Variants in OSBPL6 observed in about 807,000 individuals in gnomAD.
The protein encoded by OSBPL6 is oxysterol-binding protein-related protein 6.
Under a neutral mutation model 125.8 loss-of-function variants are expected in OSBPL6, and 49 were observed. The observed-to-expected ratio is 0.39, with a 90% CI of 0.31 to 0.49. The LOEUF is 0.49. OSBPL6 is among the 20% of genes least tolerant of loss of function. The pLI is 0.88. For synonymous variants in OSBPL6, 394 were observed against 391.8 expected (o/e 1.01, Z -0.07); for missense variants, 986 against 1,135.4 (o/e 0.87, Z 1.89).
At chr2:178,386,195 A>G (rs1222210577) in intron 19 of OSBPL6, among the ~76,000 whole-genome samples, 1 of 152,244 alleles carries the variant, frequency 6.6e-6, no homozygotes, top group African/African-American at 2.4e-5. Context: ...AAATGATAGA[A>G]CACTGTAGCT....
intron 12 of OSBPL6, among the ~76,000 whole-genome samples, chr2:178,359,760 T>G (rs1692152700): frequency 6.6e-6 from 1 of 152,160 alleles, no homozygotes; most frequent in South Asian, 2.1e-4. Flanking sequence ...TGCCATAGCA[T>G]GGATGGGCCT....
At chr2:178,287,948 A>G (rs866576701) in intron 2 of OSBPL6, among the ~76,000 whole-genome samples, 1 of 131,544 alleles carries the variant, frequency 7.6e-6, no homozygotes, top group African/African-American at 2.7e-5. Flanking sequence ...TGTTGTTGAC[A>G]TATGAAACAG....
At chr2:178,272,571 C>T (rs1489941294) in intron 1 of OSBPL6, among the ~76,000 whole-genome samples, 3 of 152,040 alleles carry the variant, frequency 2.0e-5, no homozygotes, top group Admixed American at 6.5e-5. Flanking sequence ...AATGCACCAC[C>T]GTTAGTAGCT....
intron 3 of OSBPL6, among the ~76,000 whole-genome samples, chr2:178,316,316 T>C (rs1251826611): frequency 6.6e-6 from 1 of 152,196 alleles, no homozygotes; most frequent in East Asian, 1.9e-4. Context: ...TAAAAACATG[T>C]ATTCTAAGGA....
Position 178,360,160 on chromosome 2 carries a change from T to G in OSBPL6, c.1154-1522T>G, listed in dbSNP as rs530283785. On this transcript the variant is annotated intron_variant, in intron 12 of 24. Coordinates refer to ENST00000190611, the MANE Select transcript of OSBPL6 (RefSeq NM_032523.4). ...ATATATGGAAACTTTTTGTTTCTTT[T>G]AAGTCAAGTATATATAGAGAGAGAA... is the stretch of plus-strand genomic sequence containing the variant. Among the ~76,000 whole-genome samples, 6 of 152,256 alleles carry G rather than the reference T, an allele frequency of 3.9e-5. No homozygotes were observed. In the South Asian group the frequency reaches 1.2e-3, roughly 32 times the overall value.
chr2:178,212,895 C>T (rs2089925065), intron 1 of OSBPL6, among the ~76,000 whole-genome samples: 1 of 151,966 alleles, frequency 6.6e-6, no homozygotes, highest in Non-Finnish European at 1.5e-5. Flanking sequence ...GCAACCTCCA[C>T]CTCCCGGGTT....
At chr2:178,305,513 A>G (rs1263242235) in intron 2 of OSBPL6, among the ~76,000 whole-genome samples, 2 of 152,252 alleles carry the variant, frequency 1.3e-5, no homozygotes, top group Non-Finnish European at 2.9e-5. Context: ...GTTTTGAGGT[A>G]CAAATAAATG....
chr2:178,203,942 G>A (rs999139622), intron 1 of OSBPL6, among the ~76,000 whole-genome samples: 4 of 151,650 alleles, frequency 2.6e-5, no homozygotes, highest in African/African-American at 9.7e-5. Context: ...TCTCTAGTGC[G>A]TTCTAGTGTT....
At chr2:178,365,759 A>T (rs759796401) in intron 13 of OSBPL6, among the ~76,000 whole-genome samples, 8 of 152,218 alleles carry the variant, frequency 5.3e-5, no homozygotes, top group Non-Finnish European at 1.0e-4. Context: ...TTTAACCCCC[A>T]TGAAACTTAA....
In OSBPL6 at chr2:178,364,241, C is replaced by A. The variant is rs1484973260; in HGVS notation, c.1287+2426C>A. Among the ~76,000 whole-genome samples the A allele has an allele frequency of 3.9e-5, 6 of 152,116 alleles. No homozygotes were observed. In the East Asian group the frequency reaches 7.7e-4, roughly 20 times the overall value. ...GGCAAGAACCAGCTCATCAGGGACT[C>A]CACAGAGGGTTTTGGATTTATCCTA... is the stretch of plus-strand genomic sequence containing the variant. On this transcript the variant is annotated intron_variant, in intron 13 of 24. Coordinates refer to ENST00000190611, the MANE Select transcript of OSBPL6 (RefSeq NM_032523.4).
At chr2:178,206,716 G>A (rs2089552294) in intron 1 of OSBPL6, among the ~76,000 whole-genome samples, 1 of 152,112 alleles carries the variant, frequency 6.6e-6, no homozygotes, top group South Asian at 2.1e-4. Context: ...CCGGGTTCAA[G>A]CAATTCTCCT....
chr2:178,395,218 C>A (rs1318833909), intron 24 of OSBPL6, among the ~76,000 whole-genome samples: 1 of 152,106 alleles, frequency 6.6e-6, no homozygotes, highest in Non-Finnish European at 1.5e-5. Context: ...GTAATTTGTT[C>A]CTGCCCTGAG....
At chr2:178,261,291 A>G (rs1429030380) in intron 1 of OSBPL6, among the ~76,000 whole-genome samples, 2 of 152,020 alleles carry the variant, frequency 1.3e-5, no homozygotes, top group African/African-American at 4.8e-5. Flanking sequence ...GTTAATTTCT[A>G]TACCTTGATT....
chr2:178,375,643 G>A (rs1051973779), intron 15 of OSBPL6, among the ~76,000 whole-genome samples: 8 of 151,914 alleles, frequency 5.3e-5, no homozygotes, highest in African/African-American at 1.5e-4. Flanking sequence ...GGCTGGTCTC[G>A]AAATCCCGAC....
At chr2:178,365,303 T>C (rs1219967959) in intron 13 of OSBPL6, among the ~76,000 whole-genome samples, 2 of 152,230 alleles carry the variant, frequency 1.3e-5, no homozygotes, top group Non-Finnish European at 2.9e-5. Context: ...AGGCTTTAAA[T>C]ATATCAGACT....
intron 9 of OSBPL6, among the ~76,000 whole-genome samples, chr2:178,337,171 G>A (rs914693562): frequency 6.6e-6 from 1 of 151,912 alleles, no homozygotes; most frequent in East Asian, 1.9e-4. Flanking sequence ...AAAAACAAGG[G>A]CAATGCAGAC....
At chr2:178,276,371 G>GTTTTTT (rs71023438) in intron 1 of OSBPL6, among the ~76,000 whole-genome samples, 3 of 122,756 alleles carry the variant, frequency 2.4e-5, no homozygotes, top group African/African-American at 3.2e-5. Flanking sequence ...ATTCTAAATG[G>GTTTTTT]TTTTTTTTTT....
rs939948016 is a variant in OSBPL6 at position 178,338,991 on chromosome 2, A to C, written c.791A>C (p.Asp264Ala). 6.2e-7 allele frequency: 1 copy of C among 1,608,028 alleles called. No individual in the cohort carries two copies. The highest frequency in any genetic ancestry group is 1.7e-5 in the Admixed American group (1 of 59,388). The change falls in exon 10 of 25, where the codon GAT (aspartate) becomes GCT (alanine). Residue 264 changes from aspartate (D) to alanine (A), a missense_variant and splice_region_variant. Around this residue, in one of 3 missense-constraint regions of OSBPL6, gnomAD observed 843 missense variants for 997.3 expected, o/e 0.85. Coordinates refer to ENST00000190611, the MANE Select transcript of OSBPL6 (RefSeq NM_032523.4). Reference sequence around the variant, plus strand: ...ATTTTTATTTCTGATTTCTTATTAGATCTTGCACATTGCCAGTCAAACCTT... The same window carrying C: ...ATTTTTATTTCTGATTTCTTATTAGCTCTTGCACATTGCCAGTCAAACCTT... ...DSEEMDRCAEDLAHCQSNLVE... is the reference protein window; with the variant it reads ...DSEEMDRCAEALAHCQSNLVE...
chr2:178,270,277 T>C (rs1160664835), intron 1 of OSBPL6, among the ~76,000 whole-genome samples: 1 of 152,214 alleles, frequency 6.6e-6, no homozygotes, highest in Non-Finnish European at 1.5e-5. Context: ...GGGAGAATCA[T>C]AAAGCATGAC....
Sources: gnomAD v4.1 joint callset for allele counts (sites outside exome capture counted in the v4.1 genomes callset) on GRCh38, gnomAD v4.1.1 for gene constraint, gnomAD v4.1.1 regional missense constraint, MANE v1.5 for transcripts, NCBI Gene and HGNC (gene_info 2026-07-23, HGNC 2026-07-21) for gene names.